Variants in B3GNT4 observed in about 807,000 individuals in gnomAD.
B3GNT4 encodes the protein UDP-GlcNAc:betaGal beta-1,3-N-acetylglucosaminyltransferase 4.
Under a neutral mutation model 2.7 loss-of-function variants are expected in B3GNT4, and 2 were observed. That is an observed-to-expected ratio of 0.73 (90% CI 0.30 to 2.31). The LOEUF is 2.31. B3GNT4 is among the 30% of genes most tolerant of loss of function. The pLI, the probability that B3GNT4 is intolerant of heterozygous loss-of-function variation, is 0.12. For missense variants in B3GNT4, 708 were observed against 490.9 expected (o/e 1.44, Z -4.18); for synonymous variants, 280 against 203.4 (o/e 1.38, Z -3.20).
At chr12:122,204,767 C>A in intron 2 of B3GNT4, 83 bp downstream of exon 2, 1 of 1,235,042 alleles carries the variant, frequency 8.1e-7, no homozygotes, top group South Asian at 1.3e-5. Flanking sequence ...AAACTCTGGC[C>A]GGTGGCTCAC....
rs1491074381 is a variant in B3GNT4, at chr12:122,207,421, TCA to T, written c.*34_*35del. The T allele has an allele frequency of 2.0e-6, 3 of 1,501,196 alleles. No individual in the cohort carries two copies. The highest frequency in any genetic ancestry group is 2.7e-5 in the South Asian group (2 of 74,304). 93.0% of individuals were successfully genotyped at this position (1,501,196 alleles called of 1,614,324 possible). A position where few individuals can be genotyped will look rare whatever the true frequency, so the allele number is the denominator to read the frequency against. On this transcript the variant is annotated 3_prime_UTR_variant, in exon 3 of 3. Transcript: ENST00000324189. ...GTTGGGCAACAGCCTGAGAGTGGAC[TCA>T]GTGTTGATTCTCTATCGTGATGCGA...
rs1953952142 is a variant in B3GNT4, at chr12:122,207,599, G to C, written c.*211G>C. ...GTGTAGCAAATGCTGCCAGGAACCT[G>C]TCGGGGCATTCCGGGCGCTGCCTGG... On this transcript the variant is annotated 3_prime_UTR_variant, in exon 3 of 3. Transcript: ENST00000324189. The C allele has an allele frequency of 3.1e-6, 2 of 646,458 alleles. No individual in the cohort carries two copies. Among genetic ancestry groups the C allele is most frequent in the African/African-American group, 3.6e-5 (2 of 54,846 alleles). 40.0% of individuals were successfully genotyped at this position (646,458 alleles called of 1,614,324 possible).
In B3GNT4 at chr12:122,207,640, G is replaced by C; in HGVS notation, c.*252G>C. Reference sequence around the variant, plus strand: ...CGCTGCCTGGGGCGCTGCAGTCTGGGACCTCAAGGAAGGAGGCTGCATAGG... The same window carrying C: ...CGCTGCCTGGGGCGCTGCAGTCTGGCACCTCAAGGAAGGAGGCTGCATAGG... On this transcript the variant is annotated 3_prime_UTR_variant, in exon 3 of 3. Transcript: ENST00000324189. 1 of 639,272 alleles carries C rather than the reference G, an allele frequency of 1.6e-6. No individual in the cohort carries two copies. Among genetic ancestry groups the C allele is most frequent in the Admixed American group, 2.3e-5 (1 of 43,416 alleles). The allele number at this position is 639,272 out of a possible 1,614,324, so 39.6% of individuals were successfully genotyped here.
chr12:122,206,449 GGCTCCCCCAACACCCCGTCACA>G lies in B3GNT4; in HGVS notation c.201_222del (p.Pro68GlyfsTer23). ...ACCCCACGGCCCACCAGCCTTTCTG[GGCTCCCCCAACACCCCGTCACA>G]GCCGGTGTCCACCCAACCACACAGT... On this transcript the variant is annotated frameshift_variant, in exon 3 of 3. Coordinates refer to ENST00000324189, the MANE Select transcript of B3GNT4 (RefSeq NM_030765.4). LOFTEE classifies it low-confidence loss of function (END_TRUNC). 1.2e-6 allele frequency: 2 copies of G among 1,614,098 alleles called. No individual in the cohort carries two copies. The highest frequency in any genetic ancestry group is 1.7e-6 in the Non-Finnish European group (2 of 1,179,990).
At chr12:122,206,277 A>C in intron 2 of B3GNT4, 41 bp from the exon 3 acceptor site, 1 of 1,474,396 alleles carries the variant, frequency 6.8e-7, no homozygotes, top group Non-Finnish European at 9.1e-7. Flanking sequence ...GGGGACAGGG[A>C]CCCGGGGCTG....
Position 122,208,160 on chromosome 12 carries a change from T to TTA in B3GNT4, c.*772_*773insTA, listed in dbSNP as rs1289496161. ...AGCAGCTGTACAGAGTGGGGTGAAA[T>TTA]GTTAAACAGGGTGCAGTGCCCAAGG... On this transcript the variant is annotated 3_prime_UTR_variant, in exon 3 of 3. Transcript: ENST00000324189. 8.6e-6 allele frequency: 6 copies of TTA among 699,398 alleles called. No homozygotes were observed. The highest frequency in any genetic ancestry group is 1.6e-5 in the Non-Finnish European group (6 of 387,012). The allele number at this position is 699,398 out of a possible 1,614,324, so 43.3% of individuals were successfully genotyped here.
At position 122,207,135 on chromosome 12, in the gene B3GNT4, T is replaced by G. The variant is rs768708305; in HGVS notation, c.884T>G (p.Met295Arg). 1 of 1,614,152 alleles carries G rather than the reference T, an allele frequency of 6.2e-7. No homozygotes were observed. Among genetic ancestry groups the G allele is most frequent in the Non-Finnish European group, 8.5e-7 (1 of 1,180,018 alleles). ...ACAGTGCGGCGCCTCCAGGCTATCA[T>G]GGAAGATGCTGAACTCTTCCCCATT... is the stretch of plus-strand genomic sequence containing the variant. ...RATVRRLQAIMEDAELFPIDD... is the reference protein window; with the variant it reads ...RATVRRLQAIREDAELFPIDD... The change falls in exon 3 of 3, where the codon ATG (methionine) becomes AGG (arginine). Residue 295 changes from methionine to arginine, a missense_variant. Transcript: ENST00000324189.
rs943661859 is a variant in B3GNT4 at position 122,208,767 on chromosome 12, T to C, written c.*1379T>C. ...TCAGGTCTGGATTTAACTGACACTC[T>C]GTCAAAAACAGCATTTTTCTTCAGC... On this transcript the variant is annotated 3_prime_UTR_variant, in exon 3 of 3. Transcript: ENST00000324189. The C allele has an allele frequency of 2.1e-5, 15 of 698,724 alleles. No individual in the cohort carries two copies. In the African/African-American group the frequency reaches 2.3e-4, roughly 11 times the overall value. 43.3% of individuals were successfully genotyped at this position (698,724 alleles called of 1,614,324 possible). A position where few individuals can be genotyped will look rare whatever the true frequency, so the allele number is the denominator to read the frequency against.
In B3GNT4 at chr12:122,206,575, G is replaced by A. The variant is rs773150908; in HGVS notation, c.324G>A (p.Leu108=). 19 of 1,614,158 alleles carry A rather than the reference G, an allele frequency of 1.2e-5. No homozygotes were observed. In the East Asian group the frequency reaches 4.2e-4, roughly 36 times the overall value. ...GTCACTGCCGAAATTTCTCTATCTT[G>A]CTGGAGCCTTCAGGCTGTTCCAAGG... ...TYRHCRNFSI[L]LEPSGCSKDT... Residue 108 remains leucine, a synonymous_variant, in exon 3 of 3, where the codon TTG becomes TTA. Coordinates refer to ENST00000324189, the MANE Select transcript of B3GNT4 (RefSeq NM_030765.4).
rs375787732 is a variant in B3GNT4 at position 122,206,848 on chromosome 12, C to A, written c.597C>A (p.His199Gln). 2 of 1,613,630 alleles carry A rather than the reference C, an allele frequency of 1.2e-6. No individual in the cohort carries two copies. Among genetic ancestry groups the A allele is most frequent in the African/African-American group, 2.7e-5 (2 of 74,936 alleles). Residue 199 changes from histidine (H) to glutamine (Q), a missense_variant, in exon 3 of 3, where the codon CAC becomes CAA. His to Gln is a conservative substitution (Grantham distance 24). Transcript: ENST00000324189. ...DFFNLTLKELHLQRWVVAACP... is the reference protein window; with the variant it reads ...DFFNLTLKELQLQRWVVAACP... ...TCAACCTGACGCTCAAGGAGCTGCA[C>A]CTGCAGCGCTGGGTGGTGGCTGCCT...
Position 122,207,365 on chromosome 12 carries a change from G to A in B3GNT4, c.1114G>A (p.Ala372Thr). The A allele has an allele frequency of 6.3e-7, 1 of 1,580,868 alleles. No individual in the cohort carries two copies. Among genetic ancestry groups the A allele is most frequent in the East Asian group, 2.2e-5 (1 of 44,468 alleles). Residue 372 changes from alanine to threonine, a missense_variant, in exon 3 of 3, where the codon GCT becomes ACT. Physicochemically the swap from Ala to Thr is moderately conservative, Grantham distance 58. Coordinates refer to ENST00000324189, the MANE Select transcript of B3GNT4 (RefSeq NM_030765.4). ...GACAGATGAGGGGCTCAAGTGTGCA[G>A]CTGGCCCCATACCCCAGCGCTGAAG... is the stretch of plus-strand genomic sequence containing the variant. ...LVTDEGLKCA[A>T]GPIPQR is the part of the protein sequence containing the mutation.
Position 122,207,921 on chromosome 12 carries a change from T to A in B3GNT4, c.*533T>A. The A allele has an allele frequency of 2.2e-6, 1 of 460,724 alleles. No homozygotes were observed. Among genetic ancestry groups the A allele is most frequent in the Non-Finnish European group, 4.3e-6 (1 of 231,484 alleles). The allele number at this position is 460,724 out of a possible 1,614,324, so 28.5% of individuals were successfully genotyped here. On this transcript the variant is annotated 3_prime_UTR_variant, in exon 3 of 3. Transcript: ENST00000324189. ...GATCAGAGAACACATCAGAAATACA[T>A]ACAAAGAAATCGTACAAACTGGACA...
chr12:122,207,385 C>G lies in B3GNT4; in HGVS notation c.1134C>G (p.Arg378=), dbSNP rs772623400. Residue 378 remains arginine (R), a synonymous_variant, in exon 3 of 3, where the codon CGC becomes CGG. Coordinates refer to ENST00000324189, the MANE Select transcript of B3GNT4 (RefSeq NM_030765.4). The part of the protein sequence containing the change: ...LKCAAGPIPQ[R] ...GTGCAGCTGGCCCCATACCCCAGCG[C>G]TGAAGGGTGGGTTGGGCAACAGCCT... 4.5e-6 allele frequency: 7 copies of G among 1,544,172 alleles called. No individual in the cohort carries two copies. Among genetic ancestry groups the G allele is most frequent in the Non-Finnish European group, 4.4e-6 (5 of 1,147,010 alleles).
At position 122,207,985 on chromosome 12, in the gene B3GNT4, G is replaced by A. The variant is rs1953966758; in HGVS notation, c.*597G>A. ...CTGCCACAACTGGCATCCCAACAGA[G>A]GGAACAAGTACTAAATCATTTTTGA... On this transcript the variant is annotated 3_prime_UTR_variant, in exon 3 of 3. Transcript: ENST00000324189. The A allele has an allele frequency of 2.1e-6, 1 of 472,334 alleles. No individual in the cohort carries two copies. The highest frequency in any genetic ancestry group is 4.2e-6 in the Non-Finnish European group (1 of 239,694). 29.3% of individuals were successfully genotyped at this position (472,334 alleles called of 1,614,324 possible). A position where few individuals can be genotyped will look rare whatever the true frequency, so the allele number is the denominator to read the frequency against.
chr12:122,208,252 G>T lies in B3GNT4; in HGVS notation c.*864G>T. On this transcript the variant is annotated 3_prime_UTR_variant, in exon 3 of 3. Coordinates refer to ENST00000324189, the MANE Select transcript of B3GNT4 (RefSeq NM_030765.4). ...CACTCACAGCTCACAAAGGCGTCTC[G>T]CCTGATTGGCCAGGGCAGGATCTGC... The T allele has an allele frequency of 9.1e-7, 1 of 1,103,654 alleles. No individual in the cohort carries two copies. The highest frequency in any genetic ancestry group is 1.3e-6 in the Non-Finnish European group (1 of 745,622). 68.4% of individuals were successfully genotyped at this position (1,103,654 alleles called of 1,614,324 possible). A position where few individuals can be genotyped will look rare whatever the true frequency, so the allele number is the denominator to read the frequency against.
Position 122,206,475 on chromosome 12 carries a change from G to A in B3GNT4, c.224G>A (p.Arg75Gln), listed in dbSNP as rs766622097. Residue 75 changes from arginine to glutamine, a missense_variant, in exon 3 of 3, where the codon CGG becomes CAG. By Grantham distance (43) the Arg-to-Gln change is conservative (BLOSUM62 1). Coordinates refer to ENST00000324189, the MANE Select transcript of B3GNT4 (RefSeq NM_030765.4). ...FWAPPTPRHS[R>Q]CPPNHTVSSA... ...GCTCCCCCAACACCCCGTCACAGCC[G>A]GTGTCCACCCAACCACACAGTGTCT... 10 of 1,614,134 alleles carry A rather than the reference G, an allele frequency of 6.2e-6. No homozygotes were observed. Among genetic ancestry groups the A allele is most frequent in the Admixed American group, 3.3e-5 (2 of 60,026 alleles).
At chr12:122,204,999 G>A in intron 2 of B3GNT4, 1 of 323,556 alleles carries the variant, frequency 3.1e-6, no homozygotes. Flanking sequence ...CACTGCACTA[G>A]AGTCTGGGTG....
Position 122,203,730 on chromosome 12 carries a change from C to A in B3GNT4, c.-169C>A. The A allele has an allele frequency of 3.6e-6, 1 of 275,738 alleles. No individual in the cohort carries two copies. Among genetic ancestry groups the A allele is most frequent in the South Asian group, 1.3e-4 (1 of 7,834 alleles). The allele number at this position is 275,738 out of a possible 1,614,324, so 17.1% of individuals were successfully genotyped here. A position where few individuals can be genotyped will look rare whatever the true frequency, so the allele number is the denominator to read the frequency against. ...GCCCACTCCCGAGCCCCGAGAGCTC[C>A]GCGCACCTGGGCGCCATCCGCCCTG... On this transcript the variant is annotated 5_prime_UTR_variant, in exon 1 of 3. Coordinates refer to ENST00000324189, the MANE Select transcript of B3GNT4 (RefSeq NM_030765.4).
In B3GNT4 at chr12:122,207,793, A is replaced by C; in HGVS notation, c.*405A>C. 2.1e-6 allele frequency: 1 copy of C among 467,848 alleles called. No individual in the cohort carries two copies. Among genetic ancestry groups the C allele is most frequent in the Non-Finnish European group, 4.2e-6 (1 of 236,322 alleles). 29.0% of individuals were successfully genotyped at this position (467,848 alleles called of 1,614,324 possible). On this transcript the variant is annotated 3_prime_UTR_variant, in exon 3 of 3. Coordinates refer to ENST00000324189, the MANE Select transcript of B3GNT4 (RefSeq NM_030765.4). ...CCTGTGTTAAGTCCTGTTGATGTTA[A>C]GTCCTGTTGAGAGCACCAGGTAAAC... is the stretch of plus-strand genomic sequence containing the variant.
Sources: gnomAD v4.1 joint callset for allele counts on GRCh38, gnomAD v4.1.1 for gene constraint, MANE v1.5 for transcripts, NCBI Gene and HGNC (gene_info 2026-07-23, HGNC 2026-07-21) for gene names.